PRKD1: variants seen among roughly 807,000 people sequenced by gnomAD.
The protein encoded by PRKD1 is protein kinase D1.
A neutral mutation model predicts 95.9 loss-of-function variants in PRKD1; 63 were observed. The ratio of observed to expected loss-of-function variants is 0.66; its 90% CI spans 0.54 to 0.81. The LOEUF is 0.81. Ranked by LOEUF, PRKD1 falls within the 30% of genes least tolerant of loss-of-function variation. The pLI, the probability that PRKD1 is intolerant of heterozygous loss-of-function variation, is 0.00. For missense variants in PRKD1, 1,048 were observed against 1,165.3 expected, an observed-to-expected ratio of 0.90 and a Z score of 1.47; for synonymous variants, 425 against 423.1, an observed-to-expected ratio of 1.00 and a Z score of -0.05.
intron 4 of PRKD1, among the ~76,000 whole-genome samples, chr14:29,640,647 A>C (rs1353250430): frequency 6.6e-6 from 1 of 152,222 alleles, no homozygotes; most frequent in East Asian, 1.9e-4. Context: ...TTAAATCCAC[A>C]GGGTAAACTC....
chr14:29,769,137 T>A (rs796080842), intron 1 of PRKD1, among the ~76,000 whole-genome samples: 46 of 152,240 alleles, frequency 3.0e-4, no homozygotes, highest in African/African-American at 1.1e-3. Context: ...AAGACAGACA[T>A]ACAGGTCATG....
chr14:29,914,669 G>A (rs1038517709), intron 1 of PRKD1, among the ~76,000 whole-genome samples: 5 of 152,140 alleles, frequency 3.3e-5, no homozygotes, highest in African/African-American at 9.7e-5. Context: ...GCAGGTGGAG[G>A]TTACAGTGAG....
Position 29,749,082 on chromosome 14 carries a change from G to A in PRKD1, c.265-23408C>T, listed in dbSNP as rs374735431. Among the ~76,000 whole-genome samples, 34 of 152,258 alleles carry A rather than the reference G, an allele frequency of 2.2e-4. No individual in the cohort carries two copies. The South Asian group carries it at 6.8e-3, about 31-fold the overall frequency. ...GGAGTGGAATAAAAAAGACTGTATT[G>A]TCTTTTATGCTTTTCTGCATTTTTC... On this transcript the variant is annotated intron_variant, in intron 1 of 17. Transcript: ENST00000331968.
chr14:29,924,984 T>C (rs182675692), intron 1 of PRKD1, among the ~76,000 whole-genome samples: 14 of 152,266 alleles, frequency 9.2e-5, no homozygotes, highest in Non-Finnish European at 1.8e-4. Flanking sequence ...CTATCCAGTA[T>C]ATATTTATTT....
intron 1 of PRKD1, among the ~76,000 whole-genome samples, chr14:29,745,191 T>C (rs549841238): frequency 2.6e-5 from 4 of 152,298 alleles, no homozygotes; most frequent in African/African-American, 4.8e-5. Flanking sequence ...CTCTTACTCA[T>C]ATCTGTTGTC....
chr14:29,662,324 ACTT>A (rs1882231868), intron 4 of PRKD1, among the ~76,000 whole-genome samples: 2 of 152,292 alleles, frequency 1.3e-5, no homozygotes, highest in African/African-American at 2.4e-5. Flanking sequence ...AACTCAAAGA[ACTT>A]CTGAGCTGAG....
intron 2 of PRKD1, among the ~76,000 whole-genome samples, chr14:29,677,510 C>T (rs1301246156): frequency 2.0e-5 from 3 of 152,134 alleles, no homozygotes; most frequent in Admixed American, 6.5e-5. Flanking sequence ...GGTGTTAACT[C>T]CATTTGCAAA....
At chr14:29,793,440 T>G (rs969762219) in intron 1 of PRKD1, among the ~76,000 whole-genome samples, 2 of 152,098 alleles carry the variant, frequency 1.3e-5, no homozygotes, top group Admixed American at 1.3e-4. Flanking sequence ...CTAACGAGAA[T>G]TGATTTGTTC....
At chr14:29,650,988 T>G (rs796963974) in intron 4 of PRKD1, among the ~76,000 whole-genome samples, 2 of 152,214 alleles carry the variant, frequency 1.3e-5, no homozygotes, top group African/African-American at 4.8e-5. Context: ...TTCTATTTCA[T>G]AAGGACAATC....
intron 1 of PRKD1, among the ~76,000 whole-genome samples, chr14:29,749,806 C>G (rs756331442): frequency 1.3e-5 from 2 of 152,066 alleles, no homozygotes; most frequent in Non-Finnish European, 2.9e-5. Flanking sequence ...AAACCCTATA[C>G]CTCCAAAATC....
chr14:29,824,139 T>C (rs1292848854), intron 1 of PRKD1, among the ~76,000 whole-genome samples: 2 of 152,310 alleles, frequency 1.3e-5, no homozygotes, highest in East Asian at 3.9e-4. Context: ...AATTCTGTAT[T>C]TGAAAGGTTC....
At chr14:29,608,720 A>T (rs190435818) in intron 13 of PRKD1, among the ~76,000 whole-genome samples, 19 of 152,308 alleles carry the variant, frequency 1.2e-4, no homozygotes, top group Admixed American at 1.2e-3. Context: ...AGGTCAATTA[A>T]GGGAAAGGCT....
chr14:29,895,911 T>C (rs1205065563), intron 1 of PRKD1, among the ~76,000 whole-genome samples: 1 of 152,208 alleles, frequency 6.6e-6, no homozygotes, highest in Non-Finnish European at 1.5e-5. Flanking sequence ...AACCATACTT[T>C]TTACTTTTAT....
chr14:29,599,049 G>C lies in PRKD1; in HGVS notation c.2144C>G (p.Ala715Gly), dbSNP rs1477567718. 6.2e-7 allele frequency: 1 copy of C among 1,613,638 alleles called. No homozygotes were observed. The highest frequency in any genetic ancestry group is 1.1e-5 in the South Asian group (1 of 91,062). Residue 715 changes from alanine to glycine, a missense_variant, in exon 15 of 18, where the codon GCC becomes GGC. By Grantham distance (60) the Ala-to-Gly change is moderately conservative. Around this residue, in one of 3 missense-constraint regions of PRKD1, gnomAD observed 739 missense variants for 861.9 expected, o/e 0.86. Transcript: ENST00000331968. ...CDLKPENVLL[A>G]SADPFPQVKL... ...TGCCTGAGGAAAAGGATCAGCTGAG[G>C]CTAGCAACACATTTTCTGGTTTGAG...
chr14:29,835,787 T>C (rs1046806640), intron 1 of PRKD1, among the ~76,000 whole-genome samples: 2 of 152,112 alleles, frequency 1.3e-5, no homozygotes, highest in South Asian at 4.1e-4. Context: ...GTCAAGCTTG[T>C]CTGGAACTCC....
intron 1 of PRKD1, among the ~76,000 whole-genome samples, chr14:29,745,462 G>A (rs1010607832): frequency 2.0e-5 from 3 of 152,050 alleles, no homozygotes; most frequent in African/African-American, 7.2e-5. Context: ...AAGGGAATTA[G>A]TTAATCATTA....
chr14:29,733,051 C>T (rs1276539940), intron 1 of PRKD1, among the ~76,000 whole-genome samples: 1 of 149,758 alleles, frequency 6.7e-6, no homozygotes, highest in Non-Finnish European at 1.5e-5. Context: ...ATTTCCATTG[C>T]TATGAGTTCA....
intron 2 of PRKD1, among the ~76,000 whole-genome samples, chr14:29,718,802 C>T (rs1047462681): frequency 2.6e-5 from 4 of 152,112 alleles, no homozygotes; most frequent in African/African-American, 9.7e-5. Context: ...AGTAGTAGGG[C>T]TGAGAAGGTG....
chr14:29,802,643 T>C (rs1056726006), intron 1 of PRKD1, among the ~76,000 whole-genome samples: 2 of 152,186 alleles, frequency 1.3e-5, no homozygotes, highest in African/African-American at 2.4e-5. Context: ...AGATAAAAGA[T>C]TGGAACCTGA....
Sources: allele counts gnomAD v4.1 joint callset (sites outside exome capture counted in the v4.1 genomes callset), GRCh38; gene constraint gnomAD v4.1.1; regional missense constraint gnomAD v4.1.1; transcripts MANE v1.5; gene names NCBI Gene and HGNC (gene_info 2026-07-23, HGNC 2026-07-21).